RNF24: variants seen among roughly 807,000 people sequenced by gnomAD.
RNF24 encodes the protein ring finger protein 24.
Under a neutral mutation model 20.0 loss-of-function variants are expected in RNF24, and 14 were observed. The observed-to-expected ratio is 0.70, with a 90% CI of 0.46 to 1.10. The LOEUF is 1.10. Ranked by LOEUF, RNF24 falls within the 50% of genes least tolerant of loss-of-function variation. RNF24 has a pLI of 0.00. For synonymous variants in RNF24, 45 were observed against 61.1 expected (o/e 0.74, Z 1.23); for missense variants, 124 against 177.6 (o/e 0.70, Z 1.71).
At chr20:3,939,581 T>C (rs2090931609) in intron 4 of RNF24, among the ~76,000 whole-genome samples, 1 of 152,222 alleles carries the variant, frequency 6.6e-6, no homozygotes, top group East Asian at 1.9e-4. Context: ...CTGTGTCACA[T>C]GTATTAAAAA....
Position 3,959,495 on chromosome 20 carries a change from A to G in RNF24, c.143+4380T>C, listed in dbSNP as rs558828600. Among the ~76,000 whole-genome samples, 314 of 152,312 alleles carry G rather than the reference A, an allele frequency of 2.1e-3. 2 individuals carry two copies. Among genetic ancestry groups the G allele is most frequent in the African/African-American group, 6.7e-3 (277 of 41,572 alleles). On this transcript the variant is annotated intron_variant, in intron 2 of 5. Transcript: ENST00000358395. ...GAGTATTATTAAAACATAATACACA[A>G]TAATTGTACTATTTATGGGGTACAT...
intron 1 of RNF24, among the ~76,000 whole-genome samples, chr20:3,968,495 G>T (rs1309559173): frequency 6.6e-6 from 1 of 152,118 alleles, no homozygotes; most frequent in East Asian, 1.9e-4. Context: ...GCATGTGCTT[G>T]TAGTACTAGT....
chr20:3,991,188 A>C (rs1313202161), intron 1 of RNF24, among the ~76,000 whole-genome samples: 1 of 151,748 alleles, frequency 6.6e-6, no homozygotes, highest in Non-Finnish European at 1.5e-5. Context: ...AGAATAAAAA[A>C]TTTAATTGTA....
At chr20:3,963,777 C>T in intron 2 of RNF24, 98 bp downstream of exon 2, 1 of 1,025,544 alleles carries the variant, frequency 9.8e-7, no homozygotes, top group South Asian at 1.8e-5. Context: ...AAAAATTTGC[C>T]AATTATCATA....
intron 4 of RNF24, among the ~76,000 whole-genome samples, chr20:3,936,100 A>G (rs1197007890): frequency 6.6e-6 from 1 of 152,234 alleles, no homozygotes; most frequent in Non-Finnish European, 1.5e-5. Context: ...CAGGCAGGAC[A>G]TGTGGCTCTT....
intron 1 of RNF24, among the ~76,000 whole-genome samples, chr20:3,991,944 A>G (rs907265474): frequency 3.7e-4 from 46 of 124,628 alleles, no homozygotes; most frequent in African/African-American, 9.0e-4. Flanking sequence ...ACACACGCAC[A>G]CACACACACA....
At chr20:3,949,396 C>T (rs1361045831) in intron 2 of RNF24, among the ~76,000 whole-genome samples, 1 of 151,518 alleles carries the variant, frequency 6.6e-6, no homozygotes, top group East Asian at 1.9e-4. Flanking sequence ...AATAAAAGTA[C>T]TCACCCTGGC....
intron 1 of RNF24, among the ~76,000 whole-genome samples, chr20:4,003,462 T>C (rs193111618): frequency 3.3e-5 from 5 of 152,302 alleles, no homozygotes; most frequent in East Asian, 1.9e-4. Context: ...AGAAAATCAA[T>C]AGTTTTCCAG....
chr20:3,945,164 A>G lies in RNF24; in HGVS notation c.228+13T>C, dbSNP rs766065629. 1.3e-6 allele frequency: 2 copies of G among 1,598,430 alleles called. No homozygotes were observed. The highest frequency in any genetic ancestry group is 1.7e-6 in the Non-Finnish European group (2 of 1,172,524). On this transcript the variant is annotated intron_variant, in intron 4 of 5. Transcript: ENST00000358395. Reference sequence around the variant, plus strand: ...GAAAATGGCTCAAGAGGATTTACTTATCATCAACTTACCTCATGTAAATTC... The same window carrying G: ...GAAAATGGCTCAAGAGGATTTACTTGTCATCAACTTACCTCATGTAAATTC...
At chr20:3,985,392 A>C (rs1031775947) in intron 1 of RNF24, among the ~76,000 whole-genome samples, 6 of 152,066 alleles carry the variant, frequency 3.9e-5, no homozygotes, top group African/African-American at 7.2e-5. Context: ...CCTCACATTT[A>C]ATCTACTTAT....
intron 3 of RNF24, 114 bp downstream of exon 3, chr20:3,948,123 C>A: frequency 1.4e-6 from 1 of 725,030 alleles, no homozygotes; most frequent in South Asian, 1.7e-5. Context: ...CAGTGAGATG[C>A]TAAAATGAAC....
At chr20:3,967,312 G>A (rs1245167500) in intron 1 of RNF24, among the ~76,000 whole-genome samples, 1 of 152,192 alleles carries the variant, frequency 6.6e-6, no homozygotes, top group Non-Finnish European at 1.5e-5. Context: ...ACAGTACACT[G>A]TTGTAGCTTA....
intron 1 of RNF24, among the ~76,000 whole-genome samples, chr20:3,975,623 T>C (rs1428401817): frequency 1.3e-5 from 2 of 152,220 alleles, no homozygotes; most frequent in Non-Finnish European, 2.9e-5. Flanking sequence ...CCTCTGAATG[T>C]GACTTTATTT....
rs934965767 is a variant in RNF24, at chr20:3,994,751, T to C, written c.-8+20686A>G. On this transcript the variant is annotated intron_variant, in intron 1 of 5. Transcript: ENST00000358395. ...ACTTCTTATTCTTGAGGATTCTAGATTGAACACATTAATTCCAGGACTTTA... is the reference window on the plus strand; with the variant it reads ...ACTTCTTATTCTTGAGGATTCTAGACTGAACACATTAATTCCAGGACTTTA... 1.4e-4 allele frequency among the ~76,000 whole-genome samples: 22 copies of C among 152,314 alleles called. 1 individual carries two copies. Among genetic ancestry groups the C allele is most frequent in the African/African-American group, 5.3e-4 (22 of 41,578 alleles).
rs896864643 is a variant in RNF24 at position 4,014,457 on chromosome 20, T to G, written c.-8+980A>C. On this transcript the variant is annotated intron_variant, in intron 1 of 5. Transcript: ENST00000358395. ...GAACTAAACCCAGAAAGCAGTGTCC[T>G]GTACGGTGGAGTATTCCTATGTAGA... 2.0e-5 allele frequency among the ~76,000 whole-genome samples: 3 copies of G among 152,200 alleles called. No individual in the cohort carries two copies. In the East Asian group the frequency reaches 5.8e-4, roughly 29 times the overall value.
At chr20:4,009,551 T>G (rs1277165411) in intron 1 of RNF24, among the ~76,000 whole-genome samples, 1 of 152,048 alleles carries the variant, frequency 6.6e-6, no homozygotes, top group Non-Finnish European at 1.5e-5. Context: ...GGGGGGAAGA[T>G]GAGTGGTTTC....
chr20:3,958,814 A>G (rs1347670561), intron 2 of RNF24, among the ~76,000 whole-genome samples: 2 of 152,052 alleles, frequency 1.3e-5, no homozygotes, highest in Admixed American at 1.3e-4. Flanking sequence ...GTTAATTTTT[A>G]TATTTTTAAT....
intron 4 of RNF24, 118 bp from the exon 5 acceptor site, chr20:3,935,191 T>TA (rs535391759): frequency 6.0e-3 from 3,375 of 564,276 alleles, no homozygotes; most frequent in South Asian, 9.1e-3. Flanking sequence ...ACTCTTATCT[T>TA]AAAAAAAAAA....
Position 3,963,935 on chromosome 20 carries a change from A to C in RNF24, c.83T>G (p.Val28Gly). 6.2e-7 allele frequency: 1 copy of C among 1,612,088 alleles called. No homozygotes were observed. The highest frequency in any genetic ancestry group is 8.5e-7 in the Non-Finnish European group (1 of 1,178,872). ...GAAGACAAATATAGCAGTACCAAAAACCACAATATATATGTTGAGAGGCAG... is the reference window on the plus strand; with the variant it reads ...GAAGACAAATATAGCAGTACCAAAACCCACAATATATATGTTGAGAGGCAG... The part of the protein sequence containing the change: ...QNLPLNIYIV[V>G]FGTAIFVFIL... Residue 28 changes from valine (V) to glycine (G), a missense_variant, in exon 2 of 6, where the codon GTT (valine) becomes GGT (glycine). Coordinates refer to ENST00000358395, the MANE Select transcript of RNF24 (RefSeq NM_001134337.3).
Sources: allele counts gnomAD v4.1 joint callset (sites outside exome capture counted in the v4.1 genomes callset), GRCh38; gene constraint gnomAD v4.1.1; transcripts MANE v1.5; gene names NCBI Gene and HGNC (gene_info 2026-07-23, HGNC 2026-07-21).